The following KCNJ12 variants were observed in gnomAD, a reference collection of about 807,000 sequenced individuals.
The protein encoded by KCNJ12 is potassium inwardly rectifying channel subfamily J member 12, also known as ATP-sensitive inward rectifier potassium channel 12.
In KCNJ12, 2 loss-of-function variants were observed where a neutral mutation model predicts 22.3. The ratio of observed to expected loss-of-function variants is 0.09; its 90% CI spans 0.04 to 0.28. KCNJ12 has a LOEUF of 0.28. Ranked by LOEUF, KCNJ12 falls within the 10% of genes least tolerant of loss-of-function variation. The pLI, the probability that KCNJ12 is intolerant of heterozygous loss-of-function variation, is 1.00. For missense variants in KCNJ12, 155 were observed against 633.3 expected (o/e 0.24, Z 8.11); for synonymous variants, 117 against 261.4 (o/e 0.45, Z 5.33).
At chr17:21,398,413 G>T (rs1905455095) in intron 1 of KCNJ12, among the ~76,000 whole-genome samples, 1 of 152,192 alleles carries the variant, frequency 6.6e-6, no homozygotes, top group Non-Finnish European at 1.5e-5. Flanking sequence ...CCCCTGCCTG[G>T]CAGCCCCCGT....
At chr17:21,393,657 C>T (rs1397436693) in intron 1 of KCNJ12, among the ~76,000 whole-genome samples, 3 of 152,230 alleles carry the variant, frequency 2.0e-5, no homozygotes, top group Non-Finnish European at 4.4e-5. Flanking sequence ...TCCACAGTTG[C>T]TGAGCATCTG....
Position 21,386,187 on chromosome 17 carries a change from G to T in KCNJ12, c.-179+9274G>T, listed in dbSNP as rs111478534. On this transcript the variant is annotated intron_variant, in intron 1 of 2. Transcript: ENST00000583088. ...CCGGTGTCTGCAGGGCTGGTTCCTC[G>T]CGGAGCCTCTGAGGGAGAAGCCATT... 3.4e-3 allele frequency among the ~76,000 whole-genome samples: 525 copies of T among 152,338 alleles called. 4 individuals are homozygous for T. The highest frequency in any genetic ancestry group is 4.6e-3 in the Non-Finnish European group (316 of 68,036).
chr17:21,404,575 A>T (rs1157582338), intron 1 of KCNJ12, among the ~76,000 whole-genome samples: 2 of 152,360 alleles, frequency 1.3e-5, no homozygotes, highest in East Asian at 3.9e-4. Flanking sequence ...TCACACAGCA[A>T]GTTGGGGCAG....
chr17:21,380,758 A>G (rs987149426), intron 1 of KCNJ12, among the ~76,000 whole-genome samples: 4 of 152,156 alleles, frequency 2.6e-5, no homozygotes, highest in Non-Finnish European at 1.5e-5. Flanking sequence ...AAGCAGGCCC[A>G]GGGCAGGGCA....
chr17:21,386,664 C>T (rs1447118422), intron 1 of KCNJ12, among the ~76,000 whole-genome samples: 7 of 152,126 alleles, frequency 4.6e-5, no homozygotes, highest in East Asian at 1.9e-4. Flanking sequence ...TGCGCCACCA[C>T]GCCCAGCTAA....
chr17:21,395,654 T>C (rs1166189620), intron 1 of KCNJ12, among the ~76,000 whole-genome samples: 1 of 145,800 alleles, frequency 6.9e-6, no homozygotes, highest in Non-Finnish European at 1.5e-5. Context: ...AGTGATATAA[T>C]ATTTCTCTAT....
At position 21,416,884 on chromosome 17, in the gene KCNJ12, G is replaced by T. The variant is rs1163956620; in HGVS notation, c.*240G>T. 4 of 613,532 alleles carry T rather than the reference G, an allele frequency of 6.5e-6. No individual in the cohort carries two copies. Among genetic ancestry groups the T allele is most frequent in the Non-Finnish European group, 1.1e-5 (4 of 353,358 alleles). The allele number at this position is 613,532 out of a possible 1,614,324, so 38.0% of individuals were successfully genotyped here. A position where few individuals can be genotyped will look rare whatever the true frequency, so the allele number is the denominator to read the frequency against. On this transcript the variant is annotated 3_prime_UTR_variant, in exon 3 of 3. Transcript: ENST00000583088. ...GCTCAGGGCAAAGAAGTGGCCTCCT[G>T]GGGGGCCAGGCCACGAGGGCCAGGG...
At position 21,402,373 on chromosome 17, in the gene KCNJ12, C is replaced by A. The variant is rs1360652707; in HGVS notation, c.-178-6146C>A. 1.4e-4 allele frequency among the ~76,000 whole-genome samples: 22 copies of A among 152,394 alleles called. No homozygotes were observed. In the East Asian group the frequency reaches 4.1e-3, roughly 28 times the overall value. On this transcript the variant is annotated intron_variant, in intron 1 of 2. Transcript: ENST00000583088. ...CTGTTTTTTTTTGGTCTGTCTTGCC[C>A]CAGCAGCATGTGGGCCCCCAGGCAT...
At chr17:21,382,380 G>A (rs1904897993) in intron 1 of KCNJ12, among the ~76,000 whole-genome samples, 1 of 152,180 alleles carries the variant, frequency 6.6e-6, no homozygotes, top group African/African-American at 2.4e-5. Context: ...GGCGGCTGAG[G>A]GGATGGGGCT....
chr17:21,380,781 AGCAGTGGGCCCCAGATG>A (rs6146019), intron 1 of KCNJ12, among the ~76,000 whole-genome samples: 99,892 of 144,928 alleles, frequency 0.69, 36,342 homozygotes, highest in African/African-American at 0.82. Context: ...GAGTTGCTGT[AGCAGTGGGCCCCAGATG>A]GCAGTGGGCC....
At chr17:21,384,244 G>A (rs1156450741) in intron 1 of KCNJ12, among the ~76,000 whole-genome samples, 4 of 152,110 alleles carry the variant, frequency 2.6e-5, no homozygotes, top group Admixed American at 1.3e-4. Flanking sequence ...TCATCCTGTC[G>A]TCCTGGGCAT....
At chr17:21,408,051 A>G (rs2142070065) in intron 1 of KCNJ12, among the ~76,000 whole-genome samples, 1 of 152,388 alleles carries the variant, frequency 6.6e-6, no homozygotes, top group Non-Finnish European at 1.5e-5. Flanking sequence ...CCACCCAGCT[A>G]TTCACAACTG....
intron 1 of KCNJ12, among the ~76,000 whole-genome samples, chr17:21,397,957 T>C (rs1218904716): frequency 6.6e-6 from 1 of 152,168 alleles, no homozygotes; most frequent in Non-Finnish European, 1.5e-5. Context: ...GGTTTGGTTT[T>C]GTTTTTTGCC....
intron 2 of KCNJ12, among the ~76,000 whole-genome samples, chr17:21,410,779 G>A (rs1473885710): frequency 3.3e-5 from 5 of 152,394 alleles, no homozygotes; most frequent in African/African-American, 9.6e-5. Context: ...CTTCACTCCT[G>A]AAAGGCTGTG....
intron 1 of KCNJ12, among the ~76,000 whole-genome samples, chr17:21,403,591 G>A (rs1197432237): frequency 5.9e-5 from 9 of 152,262 alleles, no homozygotes; most frequent in Non-Finnish European, 1.2e-4. Flanking sequence ...GCTGACCTGT[G>A]CCTCCCGCTG....
At chr17:21,399,364 TC>T (rs782238619) in intron 1 of KCNJ12, among the ~76,000 whole-genome samples, 2 of 152,214 alleles carry the variant, frequency 1.3e-5, no homozygotes, top group Non-Finnish European at 2.9e-5. Flanking sequence ...GGTCCTTTCT[TC>T]CTGCTCCAGG....
chr17:21,388,262 A>T (rs1026644591), intron 1 of KCNJ12, among the ~76,000 whole-genome samples: 5 of 152,024 alleles, frequency 3.3e-5, no homozygotes, highest in African/African-American at 1.2e-4. Context: ...TCACCCAGGG[A>T]TGGGGAGCAG....
rs1213855896 is a variant in KCNJ12, at chr17:21,376,900, G to T, written c.-192G>T. On this transcript the variant is annotated 5_prime_UTR_variant, in exon 1 of 3. Transcript: ENST00000583088. This position sits in a 1 kb window ranked among gnomAD's most constrained non-coding sequence, Gnocchi z 5.3. ...GAGGACGCCGAGCGCGCCGCGCCCG[G>T]GCCACTGACCGAGGTAAGTGCGCGG... 1 of 151,746 alleles carries T rather than the reference G, an allele frequency of 6.6e-6. No individual in the cohort carries two copies. The highest frequency in any genetic ancestry group is 2.4e-5 in the African/African-American group (1 of 41,386). 9.4% of individuals were successfully genotyped at this position (151,746 alleles called of 1,614,324 possible). A position where few individuals can be genotyped will look rare whatever the true frequency, so the allele number is the denominator to read the frequency against.
Position 21,377,571 on chromosome 17 carries a change from G to A in KCNJ12, c.-179+658G>A, listed in dbSNP as rs548281806. On this transcript the variant is annotated intron_variant, in intron 1 of 2. Transcript: ENST00000583088. ...GCTGAGAAGCTCCCAGGGTTTCAGG[G>A]CCAGGGTCCACCCTGCGCGCGCACG... Among the ~76,000 whole-genome samples the A allele has an allele frequency of 2.1e-3, 317 of 152,226 alleles. 1 individual carries two copies. The highest frequency in any genetic ancestry group is 6.9e-3 in the African/African-American group (288 of 41,528).
Sources: allele counts gnomAD v4.1 joint callset (sites outside exome capture counted in the v4.1 genomes callset), GRCh38; gene constraint gnomAD v4.1.1; non-coding constraint Gnocchi (gnomAD v3.1); transcripts MANE v1.5; gene names NCBI Gene and HGNC (gene_info 2026-07-23, HGNC 2026-07-21).